Variants in DGKB observed in about 807,000 individuals in gnomAD.
DGKB encodes diacylglycerol kinase beta.
Under a neutral mutation model 114.3 loss-of-function variants are expected in DGKB, and 67 were observed. That is an observed-to-expected ratio of 0.59 (90% confidence interval 0.48 to 0.72). The LOEUF (loss-of-function observed/expected upper bound fraction) is 0.72. Ranked by LOEUF, DGKB falls within the 30% of genes least tolerant of loss-of-function variation. The pLI is 0.00. For synonymous variants in DGKB, 398 were observed against 323.1 expected, an observed-to-expected ratio of 1.23 and a Z score of -2.49; for missense variants, 907 against 975.2, an observed-to-expected ratio of 0.93 and a Z score of 0.93.
rs74317184 is a variant in DGKB at position 14,287,362 on chromosome 7, C to G, written c.2122+51153G>C. Reference sequence around the variant, plus strand: ...TCTCTTCTGTTAAGATTAGCTTTATCTCAATGAAATCGGGTTTGTGATGCT... The same window carrying G: ...TCTCTTCTGTTAAGATTAGCTTTATGTCAATGAAATCGGGTTTGTGATGCT... On this transcript the variant is annotated intron_variant, in intron 23 of 25. Transcript: ENST00000402815. Among the ~76,000 whole-genome samples, 98 of 152,090 alleles carry G rather than the reference C, an allele frequency of 6.4e-4. 3 individuals carry two copies. The highest frequency in any genetic ancestry group is 6.2e-3 in the East Asian group (32 of 5,178).
intron 14 of DGKB, among the ~76,000 whole-genome samples, chr7:14,623,467 T>C (rs953347598): frequency 4.6e-5 from 7 of 152,220 alleles, no homozygotes; most frequent in African/African-American, 1.4e-4. Context: ...ATCACCCTTC[T>C]CTGCTATCAA....
At chr7:14,704,366 C>T (rs193144835) in intron 6 of DGKB, among the ~76,000 whole-genome samples, 1,558 of 146,298 alleles carry the variant, frequency 0.011, 32 homozygotes, top group African/African-American at 0.038. Flanking sequence ...GAGAATGGCG[C>T]GAACCAGGGA....
At chr7:14,520,243 C>T (rs1430602609) in intron 20 of DGKB, among the ~76,000 whole-genome samples, 1 of 139,988 alleles carries the variant, frequency 7.1e-6, no homozygotes, top group African/African-American at 2.6e-5. Context: ...GGCAGCCTAA[C>T]TGGATTTTGT....
chr7:14,149,156 C>G lies in DGKB; in HGVS notation c.2387G>C (p.Arg796Thr). The part of the protein sequence containing the change: ...KTGLFCSLVK[R>T]TRNRSKE ...TTATTCCTTGCTTCGGTTTCTTGTC[C>G]TTTTGACGAGGGAGCAGAATAAACC... The change falls in exon 26 of 26, where the codon AGG becomes ACG. Residue 796 changes from arginine (R) to threonine (T), a missense_variant. Arg to Thr is a moderately conservative substitution (Grantham distance 71). Transcript: ENST00000402815. 2 of 1,613,410 alleles carry G rather than the reference C, an allele frequency of 1.2e-6. No homozygotes were observed. Among genetic ancestry groups the G allele is most frequent in the Non-Finnish European group, 1.7e-6 (2 of 1,179,520 alleles).
At chr7:14,553,803 G>A (rs1795453972) in intron 20 of DGKB, among the ~76,000 whole-genome samples, 1 of 145,406 alleles carries the variant, frequency 6.9e-6, no homozygotes, top group East Asian at 2.2e-4. Flanking sequence ...TATATTTGCA[G>A]ATTAATTTAT....
At chr7:14,378,627 A>G (rs1818876790) in intron 21 of DGKB, among the ~76,000 whole-genome samples, 1 of 152,168 alleles carries the variant, frequency 6.6e-6, no homozygotes, top group African/African-American at 2.4e-5. Context: ...CACCTCTCCT[A>G]GCTACATTGA....
chr7:14,439,855 A>C (rs1279939478), intron 21 of DGKB, among the ~76,000 whole-genome samples: 3 of 124,996 alleles, frequency 2.4e-5, no homozygotes, highest in Admixed American at 9.0e-5. Context: ...ACAGAGTGAG[A>C]CTCTGTTTCC....
intron 17 of DGKB, among the ~76,000 whole-genome samples, chr7:14,605,134 T>C (rs943681851): frequency 1.3e-5 from 2 of 152,086 alleles, no homozygotes; most frequent in Admixed American, 6.6e-5. Context: ...TTGGTAATAA[T>C]TGTAAAACAC....
chr7:14,629,680 T>C (rs17168316), intron 14 of DGKB, among the ~76,000 whole-genome samples: 40,257 of 151,854 alleles, frequency 0.27, 6,076 homozygotes, highest in East Asian at 0.59. Context: ...AATAATGTTG[T>C]GGCAATGCTT....
intron 2 of DGKB, among the ~76,000 whole-genome samples, chr7:14,804,070 G>GTGTGT (rs1554282562): frequency 6.8e-6 from 1 of 146,508 alleles, no homozygotes; most frequent in African/African-American, 2.5e-5. Context: ...TCACTTTTTG[G>GTGTGT]GTGTGTGTGT....
At position 14,661,398 on chromosome 7, in the gene DGKB, A is replaced by C. The variant is rs575589974; in HGVS notation, c.1134+11531T>G. 4.5e-3 allele frequency among the ~76,000 whole-genome samples: 640 copies of C among 143,648 alleles called. 5 individuals are homozygous for C. Among genetic ancestry groups the C allele is most frequent in the African/African-American group, 0.016 (623 of 39,222 alleles). The allele number at this position is 143,648 out of a possible 152,430, so 94.2% of individuals were successfully genotyped here. A position where few individuals can be genotyped will look rare whatever the true frequency, so the allele number is the denominator to read the frequency against. On this transcript the variant is annotated intron_variant, in intron 13 of 25. Transcript: ENST00000402815. Reference sequence around the variant, plus strand: ...CCCCATCAAAAAGTGGGCGAAGGACATGAACAGACACTTCTCAAAAGAAGA... The same window carrying C: ...CCCCATCAAAAAGTGGGCGAAGGACCTGAACAGACACTTCTCAAAAGAAGA...
chr7:14,584,819 C>T lies in DGKB; in HGVS notation c.1434-1682G>A. Among the ~76,000 whole-genome samples, 2 of 151,980 alleles carry T rather than the reference C, an allele frequency of 1.3e-5. 1 individual carries two copies. The highest frequency in any genetic ancestry group is 2.9e-5 in the Non-Finnish European group (2 of 67,994). On this transcript the variant is annotated intron_variant, in intron 17 of 25. Transcript: ENST00000402815. ...GGATTACAGGTGCCTGCCACCACGC[C>T]TGGCTAATTTTTGTATTTTTAGTAG...
At chr7:14,536,732 A>C (rs182944534) in intron 20 of DGKB, among the ~76,000 whole-genome samples, 1 of 152,184 alleles carries the variant, frequency 6.6e-6, no homozygotes, top group Non-Finnish European at 1.5e-5. Flanking sequence ...CTCAACAGAG[A>C]AATGCTGAAA....
At chr7:14,740,586 T>G (rs772792767) in intron 4 of DGKB, among the ~76,000 whole-genome samples, 3 of 152,112 alleles carry the variant, frequency 2.0e-5, no homozygotes, top group Non-Finnish European at 4.4e-5. Context: ...AACTGGATCT[T>G]AGGGATCCAG....
At chr7:14,344,709 C>CT (rs34413578) in intron 22 of DGKB, among the ~76,000 whole-genome samples, 35,954 of 147,132 alleles carry the variant, frequency 0.24, 4,322 homozygotes, top group Middle Eastern at 0.27. Flanking sequence ...CCTACAGTGT[C>CT]TTTTTTTTTT....
intron 20 of DGKB, among the ~76,000 whole-genome samples, chr7:14,563,476 G>A (rs1332979430): frequency 6.6e-6 from 1 of 151,972 alleles, no homozygotes; most frequent in Admixed American, 6.6e-5. Flanking sequence ...GAATTTTTTA[G>A]TTCAATTATT....
At chr7:14,586,936 C>G (rs1800872919) in intron 17 of DGKB, among the ~76,000 whole-genome samples, 1 of 151,922 alleles carries the variant, frequency 6.6e-6, no homozygotes, top group Non-Finnish European at 1.5e-5. Context: ...TGGAGATGTG[C>G]AGAAAGATGA....
intron 1 of DGKB, among the ~76,000 whole-genome samples, chr7:14,878,939 C>T (rs1309841633): frequency 6.7e-6 from 1 of 149,540 alleles, no homozygotes. Context: ...TACTTCATAT[C>T]AAAAGTCATC....
chr7:14,790,831 T>C (rs1019531319), intron 2 of DGKB, among the ~76,000 whole-genome samples: 1 of 152,168 alleles, frequency 6.6e-6, no homozygotes, highest in African/African-American at 2.4e-5. Context: ...AACTTGTCTA[T>C]ATCTGCCAAA....
Sources: gnomAD v4.1 joint callset for allele counts (sites outside exome capture counted in the v4.1 genomes callset) on GRCh38, gnomAD v4.1.1 for gene constraint, MANE v1.5 for transcripts, NCBI Gene and HGNC (gene_info 2026-07-23, HGNC 2026-07-21) for gene names.